Variants in ASCC3 observed in about 807,000 individuals in gnomAD.
The protein encoded by ASCC3 is activating signal cointegrator 1 complex subunit 3.
Under a neutral mutation model 256.3 loss-of-function variants are expected in ASCC3, and 158 were observed. That is an observed-to-expected ratio of 0.62 (90% CI 0.54 to 0.70). The LOEUF is 0.70. Ranked by LOEUF, ASCC3 falls within the 30% of genes least tolerant of loss-of-function variation. The pLI is 0.00. For missense variants in ASCC3, 2,259 were observed against 2,626.0 expected (o/e 0.86, Z 3.05); for synonymous variants, 948 against 883.4 (o/e 1.07, Z -1.30).
chr6:100,730,549 C>T (rs913731794), intron 10 of ASCC3, among the ~76,000 whole-genome samples: 1 of 152,188 alleles, frequency 6.6e-6, no homozygotes, highest in African/African-American at 2.4e-5. Context: ...GATTTAAGAA[C>T]TACTGTCTTC....
At chr6:100,840,905 G>A (rs1772112553) in intron 4 of ASCC3, among the ~76,000 whole-genome samples, 1 of 151,326 alleles carries the variant, frequency 6.6e-6, no homozygotes, top group Non-Finnish European at 1.5e-5. Flanking sequence ...AAGAATGGGT[G>A]GCAATAAAAA....
chr6:100,763,989 G>A (rs1018084078), intron 10 of ASCC3, among the ~76,000 whole-genome samples: 1 of 152,156 alleles, frequency 6.6e-6, no homozygotes, highest in Non-Finnish European at 1.5e-5. Flanking sequence ...TTCTGCTCCT[G>A]TAAAATGGAG....
intron 11 of ASCC3, among the ~76,000 whole-genome samples, chr6:100,719,534 A>C (rs917732601): frequency 6.6e-6 from 1 of 152,058 alleles, no homozygotes; most frequent in African/African-American, 2.4e-5. Flanking sequence ...AACACCAGAC[A>C]TTTTTCTGCT....
intron 10 of ASCC3, among the ~76,000 whole-genome samples, chr6:100,754,585 C>A (rs1023949440): frequency 6.6e-6 from 1 of 152,160 alleles, no homozygotes; most frequent in Non-Finnish European, 1.5e-5. Context: ...AACATCGCCA[C>A]CTCCCCATAC....
chr6:100,744,563 T>A (rs1465489562), intron 10 of ASCC3, among the ~76,000 whole-genome samples: 2 of 152,326 alleles, frequency 1.3e-5, no homozygotes, highest in East Asian at 3.9e-4. Context: ...CTAATTTGAA[T>A]GTGTTAAAAT....
intron 1 of ASCC3, among the ~76,000 whole-genome samples, chr6:100,871,972 G>A (rs1435771834): frequency 6.6e-6 from 1 of 152,164 alleles, no homozygotes; most frequent in East Asian, 1.9e-4. Context: ...GGATGCCAAA[G>A]CATTGGGGTT....
intron 30 of ASCC3, among the ~76,000 whole-genome samples, chr6:100,616,043 A>C (rs1773649873): frequency 6.6e-6 from 1 of 152,192 alleles, no homozygotes; most frequent in Non-Finnish European, 1.5e-5. Context: ...TTAATTTCTG[A>C]TTTAAAACAA....
chr6:100,514,888 A>T (rs1773943146), intron 39 of ASCC3, among the ~76,000 whole-genome samples: 1 of 152,118 alleles, frequency 6.6e-6, no homozygotes, highest in Non-Finnish European at 1.5e-5. Context: ...GATGCTTTAA[A>T]CATACTAATT....
At chr6:100,708,161 T>C (rs1778691757) in intron 13 of ASCC3, among the ~76,000 whole-genome samples, 1 of 152,140 alleles carries the variant, frequency 6.6e-6, no homozygotes, top group Non-Finnish European at 1.5e-5. Flanking sequence ...GATTTGAACT[T>C]TTTTCTCTCT....
chr6:100,823,017 C>T (rs1255284045), intron 4 of ASCC3, among the ~76,000 whole-genome samples: 1 of 152,086 alleles, frequency 6.6e-6, no homozygotes, highest in African/African-American at 2.4e-5. Context: ...CAAAAAAGCA[C>T]ATTATTTTTT....
In ASCC3 at chr6:100,715,447, A is replaced by G; in HGVS notation, c.2151+15T>C. The G allele has an allele frequency of 6.3e-7, 1 of 1,599,606 alleles. No homozygotes were observed. The highest frequency in any genetic ancestry group is 8.6e-7 in the Non-Finnish European group (1 of 1,167,910). On this transcript the variant is annotated intron_variant, in intron 13 of 41. Coordinates refer to ENST00000369162, the MANE Select transcript of ASCC3 (RefSeq NM_006828.4). Reference sequence around the variant, plus strand: ...AGCAGATAAATAAGTGTAAAAGCAGATAAAATAAGTGTACCTGGTGTCCAG... The same window carrying G: ...AGCAGATAAATAAGTGTAAAAGCAGGTAAAATAAGTGTACCTGGTGTCCAG...
chr6:100,639,842 C>T (rs1206561803), intron 24 of ASCC3, among the ~76,000 whole-genome samples: 27 of 152,118 alleles, frequency 1.8e-4, no homozygotes, highest in Admixed American at 1.6e-3. Context: ...AGGCCGGGAG[C>T]GGTGGCTCAA....
intron 8 of ASCC3, among the ~76,000 whole-genome samples, chr6:100,780,518 T>G (rs1283017823): frequency 6.6e-6 from 1 of 152,098 alleles, no homozygotes; most frequent in African/African-American, 2.4e-5. Context: ...ATGGAAGGAT[T>G]GCTTGAGGCC....
chr6:100,558,309 G>A (rs1434325183), intron 36 of ASCC3, among the ~76,000 whole-genome samples: 1 of 151,970 alleles, frequency 6.6e-6, no homozygotes, highest in African/African-American at 2.4e-5. Context: ...GAAAAGCATT[G>A]TACCCTGCTT....
chr6:100,731,959 C>T (rs906122363), intron 10 of ASCC3, among the ~76,000 whole-genome samples: 5 of 151,950 alleles, frequency 3.3e-5, no homozygotes, highest in South Asian at 2.1e-4. Context: ...GTCAGGAGTT[C>T]GAGAACAGCC....
intron 37 of ASCC3, among the ~76,000 whole-genome samples, chr6:100,536,525 G>C (rs1284054295): frequency 3.3e-5 from 5 of 152,062 alleles, no homozygotes; most frequent in African/African-American, 1.2e-4. Flanking sequence ...CTTATCACCC[G>C]GGCTGGAGCA....
intron 8 of ASCC3, among the ~76,000 whole-genome samples, chr6:100,780,375 T>C (rs1782385810): frequency 6.6e-6 from 1 of 152,156 alleles, no homozygotes; most frequent in Non-Finnish European, 1.5e-5. Context: ...GGAAAATCTC[T>C]TAGGGCAACA....
chr6:100,763,689 C>T (rs1781516126), intron 10 of ASCC3, among the ~76,000 whole-genome samples: 1 of 152,206 alleles, frequency 6.6e-6, no homozygotes, highest in South Asian at 2.1e-4. Context: ...CATGTGTACA[C>T]AGGACTGCTA....
chr6:100,697,743 G>A (rs1778160292), intron 13 of ASCC3, among the ~76,000 whole-genome samples: 1 of 151,960 alleles, frequency 6.6e-6, no homozygotes, highest in Non-Finnish European at 1.5e-5. Flanking sequence ...TTGGAACTGA[G>A]GTGGCCAAGA....
Sources: allele counts gnomAD v4.1 joint callset (sites outside exome capture counted in the v4.1 genomes callset), GRCh38; gene constraint gnomAD v4.1.1; transcripts MANE v1.5; gene names NCBI Gene and HGNC (gene_info 2026-07-23, HGNC 2026-07-21).